Variants in UNG observed in about 807,000 individuals in gnomAD.
UNG encodes uracil-DNA glycosylase.
Under a neutral mutation model 36.5 loss-of-function variants are expected in UNG, and 34 were observed. The observed-to-expected ratio is 0.93, with a 90% CI of 0.71 to 1.24. The LOEUF is 1.24. Among genes scored for constraint, UNG ranks in the 50% most tolerant of loss-of-function variants. The probability of loss-of-function intolerance (pLI) is 0.00; values close to 1 mark genes in which losing one functional copy is unlikely to be tolerated. For synonymous variants in UNG, 172 were observed against 157.8 expected, an observed-to-expected ratio of 1.09 and a Z score of -0.67; for missense variants, 391 against 397.6, an observed-to-expected ratio of 0.98 and a Z score of 0.14.
At chr12:109,105,095 G>A (rs564379132) in intron 6 of UNG, 3 of 152,212 alleles carry the variant, frequency 2.0e-5, no homozygotes, top group Admixed American at 2.0e-4. Context: ...TTTATTTTTA[G>A]TAGAGACTGG....
intron 6 of UNG, among the ~76,000 whole-genome samples, chr12:109,107,236 T>A (rs956441429): frequency 6.6e-6 from 1 of 152,134 alleles, no homozygotes; most frequent in African/African-American, 2.4e-5. Context: ...GGTCTAGCTC[T>A]GTCACCCAGG....
chr12:109,104,684 G>A (rs1038583147), intron 6 of UNG, among the ~76,000 whole-genome samples: 2 of 152,058 alleles, frequency 1.3e-5, no homozygotes, highest in Non-Finnish European at 2.9e-5. Context: ...GCCGCAGAGT[G>A]GAGGAGGGAG....
chr12:109,102,472 GAAAA>G, intron 4 of UNG, among the ~76,000 whole-genome samples: 1 of 135,786 alleles, frequency 7.4e-6, no homozygotes, highest in Middle Eastern at 3.3e-3. Flanking sequence ...AGCAAGACTG[GAAAA>G]AAAAAAAAAA....
chr12:109,099,112 C>G, intron 2 of UNG, 77 bp from the exon 3 acceptor site: 2 of 1,331,288 alleles, frequency 1.5e-6, no homozygotes, highest in South Asian at 2.4e-5. Context: ...AAATAACTTG[C>G]ACTAGAAGCT....
intron 6 of UNG, among the ~76,000 whole-genome samples, chr12:109,105,980 A>G (rs1468325748): frequency 6.6e-6 from 1 of 152,130 alleles, no homozygotes; most frequent in Non-Finnish European, 1.5e-5. Context: ...AGGCTGACCC[A>G]TTCCCCTTTA....
At chr12:109,098,952 G>A (rs2042156079) in intron 2 of UNG, among the ~76,000 whole-genome samples, 1 of 152,224 alleles carries the variant, frequency 6.6e-6, no homozygotes, top group Non-Finnish European at 1.5e-5. Flanking sequence ...TTAAAAAGCC[G>A]AGAGGAGTGG....
Position 109,103,619 on chromosome 12 carries a change from T to C in UNG, c.801+8T>C. 6.2e-7 allele frequency: 1 copy of C among 1,600,972 alleles called. No individual in the cohort carries two copies. Among genetic ancestry groups the C allele is most frequent in the East Asian group, 2.2e-5 (1 of 44,620 alleles). On this transcript the variant is annotated splice_region_variant and intron_variant, in intron 6 of 6. Transcript: ENST00000242576. Reference sequence around the variant, plus strand: ...GGCAGTGCCATTGATAGGGTATGTTTTGTTTTCTTTCTTTTTTTTCTTTTT... The same window carrying C: ...GGCAGTGCCATTGATAGGGTATGTTCTGTTTTCTTTCTTTTTTTTCTTTTT...
At chr12:109,099,058 T>C in intron 2 of UNG, 131 bp from the exon 3 acceptor site, 1 of 958,388 alleles carries the variant, frequency 1.0e-6, no homozygotes, top group Non-Finnish European at 1.6e-6. Flanking sequence ...TGTTGTTTTT[T>C]AAAAGAATTT....
chr12:109,104,233 G>A (rs1013846716), intron 6 of UNG, among the ~76,000 whole-genome samples: 1 of 151,144 alleles, frequency 6.6e-6, no homozygotes, highest in Admixed American at 6.6e-5. Context: ...TTTTTTAGTA[G>A]AGACAGGGTT....
Position 109,110,005 on chromosome 12 carries a change from T to C in UNG, c.*36T>C. On this transcript the variant is annotated 3_prime_UTR_variant, in exon 7 of 7. Coordinates refer to ENST00000242576, the MANE Select transcript of UNG (RefSeq NM_080911.3). ...AGGGGTGGCCTTTGAGAAGCTGCTG[T>C]TAACGTATTTGCCAGTTACGAAGTT... 1.2e-6 allele frequency: 2 copies of C among 1,613,888 alleles called. No homozygotes were observed. Among genetic ancestry groups the C allele is most frequent in the Non-Finnish European group, 8.5e-7 (1 of 1,179,934 alleles).
intron 3 of UNG, among the ~76,000 whole-genome samples, chr12:109,101,622 ACCACTTGAGC>A (rs2042177484): frequency 6.6e-6 from 1 of 151,998 alleles, no homozygotes; most frequent in African/African-American, 2.4e-5. Flanking sequence ...AGGTGGGAGG[ACCACTTGAGC>A]CCAGGAGGGC....
chr12:109,097,771 C>T lies in UNG; in HGVS notation c.92C>T (p.Thr31Ile). 1 of 1,565,204 alleles carries T rather than the reference C, an allele frequency of 6.4e-7. No individual in the cohort carries two copies. Among genetic ancestry groups the T allele is most frequent in the Non-Finnish European group, 8.7e-7 (1 of 1,154,654 alleles). Residue 31 changes from threonine to isoleucine, a missense_variant, in exon 1 of 7, where the codon ACC becomes ATC. Thr to Ile is a moderately conservative substitution (Grantham distance 89, BLOSUM62 -1). Transcript: ENST00000242576. ...AGCCCCGAGCCGGCCGTCCAGGGGA[C>T]CGGCGTGGCTGGGGTGCCTGAGGAA... ...APSPEPAVQGTGVAGVPEESG... is the reference protein window; with the variant it reads ...APSPEPAVQGIGVAGVPEESG...
chr12:109,106,929 A>ATACG (rs2042221997), intron 6 of UNG, among the ~76,000 whole-genome samples: 2 of 128,666 alleles, frequency 1.6e-5, no homozygotes, highest in Non-Finnish European at 3.2e-5. Flanking sequence ...GTATATATAT[A>ATACG]TATATAAAAA....
rs1444324371 is a variant in UNG, at chr12:109,102,874, T to C, written c.569T>C (p.Ile190Thr). ...ATTTATAAAGAGTTGTCTACAGACA[T>C]AGAGGATTTTGTTCATCCTGGCCAT... is the stretch of plus-strand genomic sequence containing the variant. ...ENIYKELSTDIEDFVHPGHGD... is the reference protein window; with the variant it reads ...ENIYKELSTDTEDFVHPGHGD... Residue 190 changes from isoleucine to threonine, a missense_variant, in exon 5 of 7, where the codon ATA (isoleucine) becomes ACA (threonine). Physicochemically the swap from Ile to Thr is moderately conservative, Grantham distance 89. Coordinates refer to ENST00000242576, the MANE Select transcript of UNG (RefSeq NM_080911.3). The C allele has an allele frequency of 1.9e-6, 3 of 1,613,668 alleles. No homozygotes were observed. The highest frequency in any genetic ancestry group is 2.5e-6 in the Non-Finnish European group (3 of 1,179,916).
chr12:109,098,619 G>A lies in UNG; in HGVS notation c.320G>A (p.Gly107Glu). Residue 107 changes from glycine (G) to glutamate (E), a missense_variant, in exon 2 of 7, where the codon GGG becomes GAG. By Grantham distance (98) the Gly-to-Glu change is moderately conservative (BLOSUM62 -2). Transcript: ENST00000242576. ...AAGAAGCACCTCAGCGGGGAGTTCG[G>A]GAAACCGTATTTTATCAAGGTAAAT... ...SWKKHLSGEF[G>E]KPYFIKLMGF... 6.2e-7 allele frequency: 1 copy of A among 1,613,562 alleles called. No individual in the cohort carries two copies. Among genetic ancestry groups the A allele is most frequent in the Non-Finnish European group, 8.5e-7 (1 of 1,180,042 alleles).
At position 109,103,505 on chromosome 12, in the gene UNG, A is replaced by G. The variant is rs2042194445; in HGVS notation, c.695A>G (p.Glu232Gly). 6.2e-7 allele frequency: 1 copy of G among 1,614,188 alleles called. No individual in the cohort carries two copies. Among genetic ancestry groups the G allele is most frequent in the Non-Finnish European group, 8.5e-7 (1 of 1,180,032 alleles). ...QANSHKERGW[E>G]QFTDAVVSWL... is the part of the protein sequence containing the mutation. ...AACTCTCATAAGGAGCGAGGCTGGGAGCAGTTCACTGATGCAGTTGTGTCC... is the reference window on the plus strand; with the variant it reads ...AACTCTCATAAGGAGCGAGGCTGGGGGCAGTTCACTGATGCAGTTGTGTCC... Residue 232 changes from glutamate (E) to glycine (G), a missense_variant, in exon 6 of 7, where the codon GAG (glutamate) becomes GGG (glycine). Glu to Gly is a moderately conservative substitution (Grantham distance 98). Coordinates refer to ENST00000242576, the MANE Select transcript of UNG (RefSeq NM_080911.3).
chr12:109,102,782 G>C, intron 4 of UNG, 57 bp from the exon 5 acceptor site: 1 of 1,421,680 alleles, frequency 7.0e-7, no homozygotes, highest in South Asian at 1.2e-5. Flanking sequence ...ACGTTACTGA[G>C]CTTTCAAAAT....
At position 109,103,615 on chromosome 12, in the gene UNG, T is replaced by A. The variant is rs140881921; in HGVS notation, c.801+4T>A. ...GAAGGGCAGTGCCATTGATAGGGTATGTTTTGTTTTCTTTCTTTTTTTTCT... is the reference window on the plus strand; with the variant it reads ...GAAGGGCAGTGCCATTGATAGGGTAAGTTTTGTTTTCTTTCTTTTTTTTCT... On this transcript the variant is annotated splice_donor_region_variant and intron_variant, in intron 6 of 6. Coordinates refer to ENST00000242576, the MANE Select transcript of UNG (RefSeq NM_080911.3). 3 of 1,606,004 alleles carry A rather than the reference T, an allele frequency of 1.9e-6. No individual in the cohort carries two copies. The highest frequency in any genetic ancestry group is 2.5e-6 in the Non-Finnish European group (3 of 1,176,494).
rs71079524 is a variant in UNG at position 109,109,763 on chromosome 12, CAAAAAAA to C, written c.802-54_802-48del. The C allele has an allele frequency of 4.2e-6, 4 of 950,036 alleles. No homozygotes were observed. The African/African-American group carries it at 7.2e-5, about 17-fold the overall frequency. The allele number at this position is 950,036 out of a possible 1,614,324, so 58.9% of individuals were successfully genotyped here. A position where few individuals can be genotyped will look rare whatever the true frequency, so the allele number is the denominator to read the frequency against. On this transcript the variant is annotated intron_variant, in intron 6 of 6. Transcript: ENST00000242576. ...ACGCCACTGCAGCAAGACTCTGTCT[CAAAAAAA>C]AAAAAAAAAAATTTAAAAAGTCCCA...
Sources: gnomAD v4.1 joint callset for allele counts (sites outside exome capture counted in the v4.1 genomes callset) on GRCh38, gnomAD v4.1.1 for gene constraint, MANE v1.5 for transcripts, NCBI Gene and HGNC (gene_info 2026-07-23, HGNC 2026-07-21) for gene names.